TCAIM: variants seen among roughly 807,000 people sequenced by gnomAD.
TCAIM encodes the protein T-cell activation inhibitor, mitochondrial.
A neutral mutation model predicts 58.6 loss-of-function variants in TCAIM; 36 were observed. That is an observed-to-expected ratio of 0.61 (90% CI 0.47 to 0.81). The LOEUF (loss-of-function observed/expected upper bound fraction) is 0.81. Ranked by LOEUF, TCAIM falls within the 30% of genes least tolerant of loss-of-function variation. The probability of loss-of-function intolerance (pLI) is 0.00; values close to 1 mark genes in which losing one functional copy is unlikely to be tolerated. For synonymous variants in TCAIM, 172 were observed against 193.6 expected (o/e 0.89, Z 0.93); for missense variants, 466 against 579.6 (o/e 0.80, Z 2.01).
chr3:44,395,609 T>A (rs1189176892), intron 6 of TCAIM, among the ~76,000 whole-genome samples: 1 of 152,236 alleles, frequency 6.6e-6, no homozygotes, highest in Non-Finnish European at 1.5e-5. Flanking sequence ...TCAGGTTCCA[T>A]GTGTCACTGA....
At chr3:44,363,975 T>C (rs7626376) in intron 4 of TCAIM, among the ~76,000 whole-genome samples, 88,330 of 135,598 alleles carry the variant, frequency 0.65, 30,151 homozygotes, top group East Asian at 0.97. Context: ...TGTTGCCAGG[T>C]TGGAGTGCAG....
chr3:44,380,318 TG>T (rs1411998010), intron 5 of TCAIM, among the ~76,000 whole-genome samples: 9 of 152,182 alleles, frequency 5.9e-5, no homozygotes, highest in African/African-American at 2.2e-4. Context: ...TTTAAGGTGA[TG>T]GATATACCAA....
At chr3:44,347,215 G>A (rs1243512085) in intron 1 of TCAIM, among the ~76,000 whole-genome samples, 2 of 152,180 alleles carry the variant, frequency 1.3e-5, no homozygotes, top group African/African-American at 4.8e-5. Context: ...GACGACACGA[G>A]ATATCCTTTT....
chr3:44,344,101 A>G (rs1303467331), intron 1 of TCAIM, among the ~76,000 whole-genome samples: 2 of 148,956 alleles, frequency 1.3e-5, no homozygotes, highest in African/African-American at 2.5e-5. Flanking sequence ...AGCTCACTGC[A>G]AACTCCACCT....
chr3:44,377,091 AAAAT>A (rs1288887149), intron 5 of TCAIM, among the ~76,000 whole-genome samples: 3 of 152,312 alleles, frequency 2.0e-5, no homozygotes, highest in East Asian at 1.9e-4. Context: ...CTCCGTCTCA[AAAAT>A]AAATAAATAA....
rs764203807 is a variant in TCAIM, at chr3:44,400,427, CT to C, written c.962del (p.Leu321Ter). On this transcript the variant is annotated frameshift_variant, in exon 9 of 11. Coordinates refer to ENST00000342649, the MANE Select transcript of TCAIM (RefSeq NM_173826.4). LOFTEE classifies it high-confidence loss of function. ...GATTTTAGAAGACCAAATAAGCTAT[CT>C]TTTAGGTGGCATACAAGTTGTTTAT... is the stretch of plus-strand genomic sequence containing the variant. ...LMILEDQISY[L>X]LGGIQVVYIE... 2.5e-6 allele frequency: 4 copies of C among 1,613,764 alleles called. No individual in the cohort carries two copies. The South Asian group carries it at 4.4e-5, about 18-fold the overall frequency.
chr3:44,395,923 G>C (rs994249994), intron 6 of TCAIM, among the ~76,000 whole-genome samples: 2 of 152,190 alleles, frequency 1.3e-5, no homozygotes, highest in Admixed American at 6.5e-5. Context: ...GGAGGTCAAG[G>C]CTGCAGTGAG....
intron 7 of TCAIM, 107 bp from the exon 8 acceptor site, chr3:44,396,636 C>T: frequency 7.1e-7 from 1 of 1,414,558 alleles, no homozygotes; most frequent in Non-Finnish European, 9.7e-7. Context: ...ATAAAATTAG[C>T]CTTTAAGCTT....
intron 5 of TCAIM, among the ~76,000 whole-genome samples, chr3:44,378,570 T>C (rs1321878293): frequency 1.3e-5 from 2 of 151,348 alleles, no homozygotes; most frequent in African/African-American, 4.9e-5. Context: ...GTAATCCCAG[T>C]GCTTTGGGAG....
intron 1 of TCAIM, chr3:44,339,608 C>T (rs899086009): frequency 5.3e-5 from 8 of 152,148 alleles, no homozygotes; most frequent in African/African-American, 1.9e-4. Flanking sequence ...ACTAATATCA[C>T]TGTTAAGTAG....
chr3:44,389,048 T>G (rs886381135), intron 5 of TCAIM, among the ~76,000 whole-genome samples: 1 of 152,238 alleles, frequency 6.6e-6, no homozygotes, highest in Non-Finnish European at 1.5e-5. Context: ...TCCCGGCACT[T>G]TGGGAGGCCG....
intron 8 of TCAIM, among the ~76,000 whole-genome samples, chr3:44,399,608 T>G (rs1344974190): frequency 6.6e-6 from 1 of 152,154 alleles, no homozygotes; most frequent in Non-Finnish European, 1.5e-5. Context: ...CCTTATTGTT[T>G]CCAAACATGC....
intron 9 of TCAIM, 138 bp downstream of exon 9, chr3:44,400,725 A>G (rs773690801): frequency 1.4e-6 from 1 of 710,164 alleles, no homozygotes; most frequent in African/African-American, 1.8e-5. Context: ...TGTGTTAGCA[A>G]CCCTCTTCTA....
At chr3:44,376,543 C>T (rs1559573340) in intron 5 of TCAIM, among the ~76,000 whole-genome samples, 1 of 151,418 alleles carries the variant, frequency 6.6e-6, no homozygotes, top group Non-Finnish European at 1.5e-5. Context: ...CCCCCAGTAA[C>T]CATAAGAAAA....
At chr3:44,339,680 C>T (rs1375650403) in intron 1 of TCAIM, 4 of 152,212 alleles carry the variant, frequency 2.6e-5, no homozygotes, top group Non-Finnish European at 4.4e-5. Context: ...CCTCTGCCCT[C>T]TTCCAGGAAA....
rs186460583 is a variant in TCAIM at position 44,366,709 on chromosome 3, G to A, written c.320-747G>A. Among the ~76,000 whole-genome samples, 393 of 150,896 alleles carry A rather than the reference G, an allele frequency of 2.6e-3. 3 individuals are homozygous for A. The highest frequency in any genetic ancestry group is 8.9e-3 in the African/African-American group (365 of 41,008). On this transcript the variant is annotated intron_variant, in intron 4 of 10. Transcript: ENST00000342649. ...TCTCGATCTCCTGACCTTGTGATCC[G>A]CCCGCCTCGGCCTCCCAAAGTGCTG...
At chr3:44,372,077 G>GGAAGGAAGGAAGGAAGGAAGGAAGGAAC (rs1232901051) in intron 5 of TCAIM, among the ~76,000 whole-genome samples, 14 of 146,126 alleles carry the variant, frequency 9.6e-5, no homozygotes, top group African/African-American at 3.3e-4. Flanking sequence ...AAGGAAGGAA[G>GGAAGGAAGGAAGGAAGGAAGGAAGGAAC]ATACAGTATT....
intron 8 of TCAIM, among the ~76,000 whole-genome samples, chr3:44,397,731 TAGTC>T (rs1346890565): frequency 6.6e-6 from 1 of 152,224 alleles, no homozygotes; most frequent in Non-Finnish European, 1.5e-5. Context: ...TTTTTAATTT[TAGTC>T]AGTCTAATAG....
intron 1 of TCAIM, among the ~76,000 whole-genome samples, chr3:44,341,710 CATA>C (rs918805574): frequency 4.6e-5 from 7 of 152,252 alleles, no homozygotes; most frequent in African/African-American, 9.6e-5. Context: ...TACACTCTGA[CATA>C]ATAATAGTTG....
Sources: allele counts gnomAD v4.1 joint callset (sites outside exome capture counted in the v4.1 genomes callset), GRCh38; gene constraint gnomAD v4.1.1; transcripts MANE v1.5; gene names NCBI Gene and HGNC (gene_info 2026-07-23, HGNC 2026-07-21).